Variants in SLC23A1 observed in about 807,000 individuals in gnomAD.
SLC23A1 encodes the protein Na(+)/L-ascorbic acid transporter 1.
Under a neutral mutation model 62.5 loss-of-function variants are expected in SLC23A1, and 31 were observed. That is an observed-to-expected ratio of 0.50 (90% CI 0.37 to 0.67). The LOEUF is 0.67. Among genes scored for constraint, SLC23A1 ranks in the 30% least tolerant of loss-of-function variants. SLC23A1 has a pLI of 0.00. For synonymous variants in SLC23A1, 271 were observed against 313.2 expected, an observed-to-expected ratio of 0.87 and a Z score of 1.42; for missense variants, 640 against 782.7, an observed-to-expected ratio of 0.82 and a Z score of 2.18.
chr5:139,378,507 G>A lies in SLC23A1; in HGVS notation c.1179+72C>T. ...AGACAGGGTGGGGCTAAACCAAAGT[G>A]GGGACCGAGTTGGGGCGGGGCCTGC... is the stretch of plus-strand genomic sequence containing the variant. On this transcript the variant is annotated intron_variant, in intron 10 of 14. Coordinates refer to ENST00000348729, the MANE Select transcript of SLC23A1 (RefSeq NM_005847.5). This position sits in a 1 kb window ranked among gnomAD's most constrained non-coding sequence, Gnocchi z 4.5. 1 of 1,448,368 alleles carries A rather than the reference G, an allele frequency of 6.9e-7. No individual in the cohort carries two copies. The highest frequency in any genetic ancestry group is 9.5e-7 in the Non-Finnish European group (1 of 1,055,392). 89.7% of individuals were successfully genotyped at this position (1,448,368 alleles called of 1,614,324 possible). A position where few individuals can be genotyped will look rare whatever the true frequency, so the allele number is the denominator to read the frequency against.
rs373944413 is a variant in SLC23A1, at chr5:139,380,287, G to A, written c.568C>T (p.Pro190Ser). The A allele has an allele frequency of 3.8e-6, 6 of 1,595,114 alleles. No homozygotes were observed. In the East Asian group the frequency reaches 1.1e-4, roughly 30 times the overall value. The change falls in exon 6 of 15, where the codon CCC becomes TCC. Residue 190 changes from proline (P) to serine (S), a missense_variant. Physicochemically the swap from Pro to Ser is moderately conservative, Grantham distance 74. Transcript: ENST00000348729. ...GAAAGGCCAATGAGGGAGACAGTGG[G>A]GGTGACTGTGAGAGGCCCAATGTAG... ...LNYIGPLTVT[P>S]TVSLIGLSVF...
rs1303459748 is a variant in SLC23A1 at position 139,380,835 on chromosome 5, G to A, written c.360C>T (p.Ala120=). 6.4e-7 allele frequency: 1 copy of A among 1,568,372 alleles called. No individual in the cohort carries two copies. The highest frequency in any genetic ancestry group is 8.7e-7 in the Non-Finnish European group (1 of 1,154,792). The change falls in exon 4 of 15, where the codon GCC becomes GCT. Residue 120 remains alanine, a synonymous_variant. Coordinates refer to ENST00000348729, the MANE Select transcript of SLC23A1 (RefSeq NM_005847.5). ...SAFAFLVPAK[A]ILALERWKCP... The stretch of plus-strand genomic sequence containing the variant: ...ATTTCCATCTCTCCAGAGCCAGTAT[G>A]GCTTTGGCTGGAACCAGAAATGCAA...
At chr5:139,375,821 G>A (rs1757918501) in intron 13 of SLC23A1, among the ~76,000 whole-genome samples, 2 of 118,324 alleles carry the variant, frequency 1.7e-5, no homozygotes, top group Non-Finnish European at 3.5e-5. Flanking sequence ...GGTGACAAGA[G>A]CAAGACTCCA....
rs1758122859 is a variant in SLC23A1, at chr5:139,379,433, G to A, written c.926-79C>T. Reference sequence around the variant, plus strand: ...AGGAATAGACAGGGCAGTGCTGGAAGGAGCAAGAGCAGATCAGGAGACCTC... The same window carrying A: ...AGGAATAGACAGGGCAGTGCTGGAAAGAGCAAGAGCAGATCAGGAGACCTC... On this transcript the variant is annotated intron_variant, in intron 8 of 14. Coordinates refer to ENST00000348729, the MANE Select transcript of SLC23A1 (RefSeq NM_005847.5). The surrounding 1 kb of genome is among the most constrained non-coding windows in gnomAD (Gnocchi z 4.7). 3 of 1,440,548 alleles carry A rather than the reference G, an allele frequency of 2.1e-6. No homozygotes were observed. Among genetic ancestry groups the A allele is most frequent in the Admixed American group, 3.5e-5 (2 of 56,470 alleles). 89.2% of individuals were successfully genotyped at this position (1,440,548 alleles called of 1,614,324 possible). A position where few individuals can be genotyped will look rare whatever the true frequency, so the allele number is the denominator to read the frequency against.
rs190468815 is a variant in SLC23A1 at position 139,373,246 on chromosome 5, C to T, written c.1550-993G>A. Among the ~76,000 whole-genome samples the T allele has an allele frequency of 1.3e-3, 199 of 152,008 alleles. 2 individuals are homozygous for T. The highest frequency in any genetic ancestry group is 4.6e-3 in the African/African-American group (191 of 41,408). ...AGGATGGAGTACAGTGGGTTGATCT[C>T]GGTTCACTGCAACCTCTGCCTCCCA... On this transcript the variant is annotated intron_variant, in intron 13 of 14. Coordinates refer to ENST00000348729, the MANE Select transcript of SLC23A1 (RefSeq NM_005847.5).
upstream of SLC23A1, chr5:139,384,239 G>C (rs1353971616): frequency 3.1e-5 from 25 of 794,474 alleles, no homozygotes; most frequent in Non-Finnish European, 4.1e-5. Flanking sequence ...GATGGCAGAG[G>C]GGGACATGGG....
In SLC23A1 at chr5:139,378,810, A is replaced by G; in HGVS notation, c.1074-126T>C. On this transcript the variant is annotated intron_variant, in intron 9 of 14. Coordinates refer to ENST00000348729, the MANE Select transcript of SLC23A1 (RefSeq NM_005847.5). This position sits in a 1 kb window ranked among gnomAD's most constrained non-coding sequence, Gnocchi z 4.5. ...GCAGCTATCAGCTGTAGCACTCCCTACTACAGGCCAGAATGCTCAGGCTCC... is the reference window on the plus strand; with the variant it reads ...GCAGCTATCAGCTGTAGCACTCCCTGCTACAGGCCAGAATGCTCAGGCTCC... 1 of 707,300 alleles carries G rather than the reference A, an allele frequency of 1.4e-6. No individual in the cohort carries two copies. The highest frequency in any genetic ancestry group is 2.5e-6 in the Non-Finnish European group (1 of 405,104). The allele number at this position is 707,300 out of a possible 1,614,324, so 43.8% of individuals were successfully genotyped here.
At position 139,377,993 on chromosome 5, in the gene SLC23A1, G is replaced by A. The variant is rs776612184; in HGVS notation, c.1435C>T (p.Pro479Ser). ...GAGGCACCTGTATTGATGGCGCCAGGGTTGGACTCCAGGTAATTGGGCAGC... is the reference window on the plus strand; with the variant it reads ...GAGGCACCTGTATTGATGGCGCCAGAGTTGGACTCCAGGTAATTGGGCAGC... ...LTLPNYLESNPGAINTGILEV... is the reference protein window; with the variant it reads ...LTLPNYLESNSGAINTGILEV... The change falls in exon 12 of 15, where the codon CCT becomes TCT. Residue 479 changes from proline to serine, a missense_variant. Pro to Ser is a moderately conservative substitution (Grantham distance 74, BLOSUM62 -1). Transcript: ENST00000348729. 2.5e-5 allele frequency: 41 copies of A among 1,613,794 alleles called. No individual in the cohort carries two copies. The highest frequency in any genetic ancestry group is 2.5e-4 in the South Asian group (23 of 91,030).
At chr5:139,377,554 G>T in intron 12 of SLC23A1, 57 bp from the exon 13 acceptor site, 1 of 909,518 alleles carries the variant, frequency 1.1e-6, no homozygotes, top group Non-Finnish European at 1.8e-6. Flanking sequence ...GAGCAGAGTT[G>T]AGGGACTTCC....
In SLC23A1 at chr5:139,373,480, A is replaced by G. The variant is rs181530026; in HGVS notation, c.1550-1227T>C. ...TAGGTGTGAGCCACTGAGCCGGGCT[A>G]GTAATTTTTACAACTAGGAATTCTC... On this transcript the variant is annotated intron_variant, in intron 13 of 14. Coordinates refer to ENST00000348729, the MANE Select transcript of SLC23A1 (RefSeq NM_005847.5). 3.3e-5 allele frequency among the ~76,000 whole-genome samples: 5 copies of G among 152,292 alleles called. No homozygotes were observed. The East Asian group carries it at 9.6e-4, about 29-fold the overall frequency.
At position 139,382,512 on chromosome 5, in the gene SLC23A1, A is replaced by C. The variant is rs1300909608; in HGVS notation, c.130T>G (p.Cys44Gly). The change falls in exon 2 of 15, where the codon TGC becomes GGC. Residue 44 changes from cysteine (C) to glycine (G), a missense_variant. Physicochemically the swap from Cys to Gly is radical, Grantham distance 159 (BLOSUM62 -3). Coordinates refer to ENST00000348729, the MANE Select transcript of SLC23A1 (RefSeq NM_005847.5). ...CCCACCTGGAAGCCCAGCAGGATGC[A>C]CAGGTACCAAGGTGGCACGTCCTCG... ...KIEDVPPWYLCILLGFQHYLT... is the reference protein window; with the variant it reads ...KIEDVPPWYLGILLGFQHYLT... The C allele has an allele frequency of 6.2e-7, 1 of 1,612,250 alleles. No individual in the cohort carries two copies. Among genetic ancestry groups the C allele is most frequent in the South Asian group, 1.1e-5 (1 of 91,030 alleles).
At chr5:139,384,354 C>T (rs1346875286), upstream of SLC23A1, 2 of 1,284,272 alleles carry the variant, frequency 1.6e-6, no homozygotes, top group East Asian at 5.6e-5. Context: ...TAGAGCCCAC[C>T]TACTTCTGGG....
At chr5:139,383,329 C>T (rs1265627216), upstream of SLC23A1, 1 of 1,578,174 alleles carries the variant, frequency 6.3e-7, no homozygotes, top group Admixed American at 1.8e-5. Flanking sequence ...GAGGACTTTA[C>T]TCCACATATC....
At chr5:139,371,799 T>TA (rs983577899) in intron 14 of SLC23A1, among the ~76,000 whole-genome samples, 188 bp downstream of exon 14, 1 of 152,242 alleles carries the variant, frequency 6.6e-6, no homozygotes, top group Admixed American at 6.5e-5. Flanking sequence ...GTTCTGCTGT[T>TA]ACTATGAAAT....
In SLC23A1 at chr5:139,372,205, G is replaced by T. The variant is rs751538059; in HGVS notation, c.1598C>A (p.Ala533Asp). ...GAGGCTGGAAGACATGTCACTGTTGGCATGAGCCCCAGCTTTCCACTGTAT... is the reference window on the plus strand; with the variant it reads ...GAGGCTGGAAGACATGTCACTGTTGTCATGAGCCCCAGCTTTCCACTGTAT... Reference protein sequence around the residue: ...GLIQWKAGAHANSDMSSSLKS... With the variant: ...GLIQWKAGAHDNSDMSSSLKS... The change falls in exon 14 of 15, where the codon GCC becomes GAC. Residue 533 changes from alanine (A) to aspartate (D), a missense_variant. By Grantham distance (126) the Ala-to-Asp change is moderately radical (BLOSUM62 -2). Coordinates refer to ENST00000348729, the MANE Select transcript of SLC23A1 (RefSeq NM_005847.5). 6 of 1,612,520 alleles carry T rather than the reference G, an allele frequency of 3.7e-6. No homozygotes were observed. The highest frequency in any genetic ancestry group is 5.1e-6 in the Non-Finnish European group (6 of 1,178,638).
Position 139,380,796 on chromosome 5 carries a change from A to G in SLC23A1, c.397+2T>C. 6.4e-7 allele frequency: 1 copy of G among 1,553,856 alleles called. No homozygotes were observed. Among genetic ancestry groups the G allele is most frequent in the Non-Finnish European group, 8.8e-7 (1 of 1,140,960 alleles). The stretch of plus-strand genomic sequence containing the variant: ...CAGTGCAGACCCCAGAAGTGTACCC[A>G]CCTTCCGGGGGGCATTTCCATCTCT... On this transcript the variant is annotated splice_donor_variant, in intron 4 of 14. Coordinates refer to ENST00000348729, the MANE Select transcript of SLC23A1 (RefSeq NM_005847.5). LOFTEE classifies it high-confidence loss of function.
chr5:139,380,516 T>C (rs748661754), intron 5 of SLC23A1, 49 bp downstream of exon 5: 1 of 1,597,518 alleles, frequency 6.3e-7, no homozygotes, highest in Non-Finnish European at 8.6e-7. Context: ...CACTCCCATA[T>C]AGCCCCTCCT....
intron 5 of SLC23A1, 73 bp from the exon 6 acceptor site, chr5:139,380,462 C>G (rs752574630): frequency 3.3e-5 from 52 of 1,596,824 alleles, no homozygotes; most frequent in Non-Finnish European, 4.1e-5. Context: ...AGGAACAAAG[C>G]TCCTGGACCA....
chr5:139,372,751 A>G (rs1757742945), intron 13 of SLC23A1, among the ~76,000 whole-genome samples: 1 of 151,878 alleles, frequency 6.6e-6, no homozygotes, highest in East Asian at 1.9e-4. Context: ...TGCCCAGCTA[A>G]TTTTTGTATT....
Sources: gnomAD v4.1 joint callset for allele counts (sites outside exome capture counted in the v4.1 genomes callset) on GRCh38, gnomAD v4.1.1 for gene constraint, Gnocchi (gnomAD v3.1) non-coding constraint, MANE v1.5 for transcripts, NCBI Gene and HGNC (gene_info 2026-07-23, HGNC 2026-07-21) for gene names.